Variants in MRC1 observed in about 807,000 individuals in gnomAD.
MRC1 encodes macrophage mannose receptor 1.
MRC1 carries 62 observed loss-of-function variants against 102.9 expected under a neutral mutation model. The observed-to-expected ratio is 0.60, with a 90% CI of 0.49 to 0.74. The LOEUF (loss-of-function observed/expected upper bound fraction) is 0.74. Among genes scored for constraint, MRC1 ranks in the 30% least tolerant of loss-of-function variants. MRC1 has a pLI of 0.00. For missense variants in MRC1, 1,237 were observed against 862.8 expected (o/e 1.43, Z -5.43); for synonymous variants, 457 against 298.4 (o/e 1.53, Z -5.48).
chr10:17,879,474 C>T (rs148593505), intron 18 of MRC1, among the ~76,000 whole-genome samples: 57,382 of 152,060 alleles, frequency 0.38, 11,111 homozygotes, highest in African/African-American at 0.48. Context: ...CTGCCTCAGC[C>T]TCCTGAGTGG....
At chr10:17,901,689 CAA>C (rs35703196) in intron 25 of MRC1, among the ~76,000 whole-genome samples, 1 of 136,946 alleles carries the variant, frequency 7.3e-6, no homozygotes, top group South Asian at 2.4e-4. Context: ...GACTTCGTCT[CAA>C]AAAAAAAAAA....
chr10:17,866,838 A>G (rs1247852743), intron 12 of MRC1, 77 bp downstream of exon 12: 1 of 775,734 alleles, frequency 1.3e-6, no homozygotes, highest in Non-Finnish European at 2.4e-6. Flanking sequence ...GACATAGAAA[A>G]CAAACAAAAA....
rs1008273289 is a variant in MRC1, at chr10:17,909,388, C to T, written c.4120+41C>T. On this transcript the variant is annotated intron_variant, in intron 29 of 29. Transcript: ENST00000569591. ...AATTTCAAGTTCTGTGTTAGTAATA[C>T]ATCCGTACTGTTTGTTTTAAAAGGC... 4 of 838,848 alleles carry T rather than the reference C, an allele frequency of 4.8e-6. No individual in the cohort carries two copies. In the East Asian group the frequency reaches 7.2e-5, roughly 15 times the overall value. 52.0% of individuals were successfully genotyped at this position (838,848 alleles called of 1,614,324 possible).
Position 17,880,551 on chromosome 10 carries a change from T to C in MRC1, c.2746T>C (p.Tyr916His). 1 of 780,880 alleles carries C rather than the reference T, an allele frequency of 1.3e-6. No homozygotes were observed. The highest frequency in any genetic ancestry group is 2.4e-5 in the East Asian group (1 of 41,254). The allele number at this position is 780,880 out of a possible 1,614,324, so 48.4% of individuals were successfully genotyped here. ...SGFWNDINCG[Y>H]PNAFICQRHN... is the part of the protein sequence containing the mutation. Reference sequence around the variant, plus strand: ...GTTTTGGAATGACATTAACTGTGGCTATCCAAACGCCTTCATTTGCCAGCG... The same window carrying C: ...GTTTTGGAATGACATTAACTGTGGCCATCCAAACGCCTTCATTTGCCAGCG... Residue 916 changes from tyrosine (Y) to histidine (H), a missense_variant, in exon 20 of 30, where the codon TAT becomes CAT. Physicochemically the swap from Tyr to His is moderately conservative, Grantham distance 83. Transcript: ENST00000569591.
chr10:17,903,722 T>C (rs1833860653), intron 26 of MRC1, among the ~76,000 whole-genome samples: 2 of 152,084 alleles, frequency 1.3e-5, no homozygotes, highest in Admixed American at 6.6e-5. Context: ...TGTTGTTTCT[T>C]TTACTATATA....
chr10:17,829,514 T>G (rs1838536775), intron 3 of MRC1, among the ~76,000 whole-genome samples: 1 of 151,552 alleles, frequency 6.6e-6, no homozygotes, highest in African/African-American at 2.5e-5. Flanking sequence ...TTGTCTCTCT[T>G]ATGTCAATCT....
At chr10:17,907,037 G>A (rs1478105438) in intron 27 of MRC1, 38 bp downstream of exon 27, 23 of 778,592 alleles carry the variant, frequency 3.0e-5, no homozygotes, top group Non-Finnish European at 4.6e-5. Context: ...CACAAATATT[G>A]TAAAATGTTG....
intron 9 of MRC1, among the ~76,000 whole-genome samples, chr10:17,858,641 C>A (rs1833134095): frequency 6.6e-6 from 1 of 152,134 alleles, no homozygotes; most frequent in Non-Finnish European, 1.5e-5. Flanking sequence ...GCACAAGCTA[C>A]CATGCCTGGC....
At position 17,840,770 on chromosome 10, in the gene MRC1, G is replaced by A. The variant is rs1448371680; in HGVS notation, c.880G>A (p.Asp294Asn). ...CTTCAACAGCGGTTGGCAGTGGAGT[G>A]ACCGCAGTCCTTTCCGATATTTGAA... ...LSFNSGWQWS[D>N]RSPFRYLNWL... The change falls in exon 5 of 30, where the codon GAC becomes AAC. Residue 294 changes from aspartate to asparagine, a missense_variant. By Grantham distance (23) the Asp-to-Asn change is conservative (BLOSUM62 1). Coordinates refer to ENST00000569591, the MANE Select transcript of MRC1 (RefSeq NM_002438.4). 1.3e-6 allele frequency: 1 copy of A among 780,766 alleles called. No homozygotes were observed. Among genetic ancestry groups the A allele is most frequent in the African/African-American group, 1.7e-5 (1 of 59,140 alleles). The allele number at this position is 780,766 out of a possible 1,614,324, so 48.4% of individuals were successfully genotyped here. A position where few individuals can be genotyped will look rare whatever the true frequency, so the allele number is the denominator to read the frequency against.
intron 4 of MRC1, among the ~76,000 whole-genome samples, chr10:17,837,391 C>A (rs1313912600): frequency 6.6e-6 from 1 of 152,138 alleles, no homozygotes; most frequent in Non-Finnish European, 1.5e-5. Context: ...AAGATATTCC[C>A]TCCCCACTGT....
chr10:17,814,550 A>G (rs1838276222), intron 1 of MRC1, among the ~76,000 whole-genome samples: 1 of 152,118 alleles, frequency 6.6e-6, no homozygotes, highest in South Asian at 2.1e-4. Context: ...CTAAGGCATC[A>G]CAGCTAAAAA....
intron 23 of MRC1, among the ~76,000 whole-genome samples, chr10:17,894,942 G>T (rs1833734954): frequency 6.6e-6 from 1 of 152,130 alleles, no homozygotes; most frequent in South Asian, 2.1e-4. Context: ...GAAGACTGAG[G>T]TGGGTGGATT....
At chr10:17,891,538 A>G (rs1833676609) in intron 22 of MRC1, among the ~76,000 whole-genome samples, 1 of 152,132 alleles carries the variant, frequency 6.6e-6, no homozygotes, top group Admixed American at 6.5e-5. Flanking sequence ...ATGCGTTTGA[A>G]TCATCTCGAA....
intron 22 of MRC1, among the ~76,000 whole-genome samples, chr10:17,889,998 G>C (rs1267286127): frequency 3.3e-5 from 5 of 151,794 alleles, no homozygotes; most frequent in African/African-American, 1.2e-4. Flanking sequence ...TTTCTTTCAA[G>C]CTAAGTTTAC....
At chr10:17,872,593 C>G (rs1249146920) in intron 15 of MRC1, among the ~76,000 whole-genome samples, 2 of 152,214 alleles carry the variant, frequency 1.3e-5, no homozygotes, top group African/African-American at 4.8e-5. Context: ...GGAGTGGCCT[C>G]TGATGCTATT....
At chr10:17,892,779 A>C (rs1833697724) in intron 22 of MRC1, among the ~76,000 whole-genome samples, 1 of 152,184 alleles carries the variant, frequency 6.6e-6, no homozygotes, top group African/African-American at 2.4e-5. Flanking sequence ...TGGGAGGCTG[A>C]GGTGGGCAGT....
chr10:17,849,657 A>T lies in MRC1; in HGVS notation c.1142A>T (p.Lys381Ile). ...TGTTACAAGATTCACAGAGATGAGA[A>T]AAAAATCCAGAGGGATGCTCTGACC... ...GHCYKIHRDE[K>I]KIQRDALTTC... The change falls in exon 7 of 30, where the codon AAA becomes ATA. Residue 381 changes from lysine to isoleucine, a missense_variant. Transcript: ENST00000569591. 1.3e-6 allele frequency: 1 copy of T among 781,042 alleles called. No homozygotes were observed. The highest frequency in any genetic ancestry group is 2.4e-6 in the Non-Finnish European group (1 of 418,110). 48.4% of individuals were successfully genotyped at this position (781,042 alleles called of 1,614,324 possible).
At chr10:17,835,182 C>T (rs896865785) in intron 4 of MRC1, among the ~76,000 whole-genome samples, 4 of 152,212 alleles carry the variant, frequency 2.6e-5, no homozygotes, top group Admixed American at 6.5e-5. Context: ...CTGGAATTCT[C>T]ACGATTGTGT....
intron 3 of MRC1, among the ~76,000 whole-genome samples, chr10:17,828,979 C>T (rs1043115788): frequency 1.3e-5 from 2 of 151,418 alleles, no homozygotes; most frequent in African/African-American, 4.9e-5. Flanking sequence ...AGACACCCTC[C>T]TCCTGATGCT....
Sources: allele counts gnomAD v4.1 joint callset (sites outside exome capture counted in the v4.1 genomes callset), GRCh38; gene constraint gnomAD v4.1.1; transcripts MANE v1.5; gene names NCBI Gene and HGNC (gene_info 2026-07-23, HGNC 2026-07-21).